Variants in HNRNPA3 observed in about 807,000 individuals in gnomAD.
The protein encoded by HNRNPA3 is epididymis secretory sperm binding protein.
Under a neutral mutation model 45.8 loss-of-function variants are expected in HNRNPA3, and 3 were observed. That is an observed-to-expected ratio of 0.07 (90% confidence interval 0.03 to 0.17). The LOEUF (loss-of-function observed/expected upper bound fraction) is 0.17, where lower values mean the gene tolerates loss of function less well. HNRNPA3 is among the 10% of genes least tolerant of loss of function. HNRNPA3 has a pLI of 1.00. For synonymous variants in HNRNPA3, 170 were observed against 155.6 expected (o/e 1.09, Z -0.69); for missense variants, 183 against 480.3 (o/e 0.38, Z 5.79).
chr2:177,217,663 A>G (rs765197902), intron 7 of HNRNPA3, 42 bp from the exon 8 acceptor site: 138 of 1,610,556 alleles, frequency 8.6e-5, no homozygotes, highest in Middle Eastern at 4.4e-4. Context: ...GTGACTATAC[A>G]CTTAAGTTTT....
intron 4 of HNRNPA3, 61 bp from the exon 5 acceptor site, chr2:177,216,442 T>G: frequency 8.2e-7 from 1 of 1,226,442 alleles, no homozygotes; most frequent in Non-Finnish European, 1.2e-6. Flanking sequence ...GGGTATCTCA[T>G]ATATGTGCTT....
chr2:177,220,356 TA>T (rs1374062478), downstream of HNRNPA3: 1 of 153,600 alleles, frequency 6.5e-6, no homozygotes, highest in East Asian at 1.9e-4. Context: ...AAACCATTCT[TA>T]AAAACTTTTG....
downstream of HNRNPA3, chr2:177,222,712 T>TA (rs2105442325): frequency 1.3e-5 from 2 of 152,536 alleles, no homozygotes; most frequent in East Asian, 3.9e-4. Context: ...GCTGCCTTGA[T>TA]ATCAGGCAGT....
intron 7 of HNRNPA3, 66 bp downstream of exon 7, chr2:177,217,006 T>C: frequency 7.4e-7 from 1 of 1,354,634 alleles, no homozygotes; most frequent in Non-Finnish European, 9.9e-7. Flanking sequence ...AATTATTTAT[T>C]ACACTTTTCT....
intron 1 of HNRNPA3, among the ~76,000 whole-genome samples, chr2:177,213,700 A>G (rs1464627706): frequency 6.6e-6 from 1 of 152,260 alleles, no homozygotes; most frequent in East Asian, 1.9e-4. Flanking sequence ...CCGGCCGCTG[A>G]GGAGGGTGGG....
chr2:177,213,432 T>G (rs1299182023), intron 1 of HNRNPA3, among the ~76,000 whole-genome samples: 3 of 152,240 alleles, frequency 2.0e-5, no homozygotes, highest in Non-Finnish European at 4.4e-5. Context: ...GTGCTTTCGC[T>G]GAAGTTCTGC....
intron 1 of HNRNPA3, among the ~76,000 whole-genome samples, chr2:177,214,003 C>T (rs1376453689): frequency 1.3e-5 from 2 of 152,166 alleles, no homozygotes; most frequent in Non-Finnish European, 1.5e-5. Flanking sequence ...GTGACAATCT[C>T]TTCACATTAA....
chr2:177,217,881 T>C (rs1410559531), intron 8 of HNRNPA3, 36 bp downstream of exon 8: 2 of 1,512,002 alleles, frequency 1.3e-6, no homozygotes, highest in East Asian at 2.3e-5. Flanking sequence ...ATGTTAAATA[T>C]TCAGTGTTGC....
intron 1 of HNRNPA3, among the ~76,000 whole-genome samples, chr2:177,213,878 A>C (rs1041384292): frequency 1.3e-5 from 2 of 152,222 alleles, no homozygotes; most frequent in African/African-American, 4.8e-5. Context: ...TTTAATGTGG[A>C]TCCTAAATAT....
chr2:177,220,948 T>G (rs1689166529), downstream of HNRNPA3: 1 of 152,608 alleles, frequency 6.6e-6, no homozygotes. Context: ...AATTCAAGTC[T>G]TTTGTTTTAA....
chr2:177,217,291 A>C (rs964460266), intron 7 of HNRNPA3, among the ~76,000 whole-genome samples: 1 of 152,186 alleles, frequency 6.6e-6, no homozygotes, highest in African/African-American at 2.4e-5. Flanking sequence ...CTCTATTATT[A>C]TTAGGTATTA....
chr2:177,217,653 G>GTGAC, intron 7 of HNRNPA3, 52 bp from the exon 8 acceptor site: 1 of 1,606,084 alleles, frequency 6.2e-7, no homozygotes, highest in East Asian at 2.2e-5. Flanking sequence ...ATTGAATAAC[G>GTGAC]TGACTATACA....
At chr2:177,217,279 TAC>T (rs1688982169) in intron 7 of HNRNPA3, among the ~76,000 whole-genome samples, 2 of 151,990 alleles carry the variant, frequency 1.3e-5, no homozygotes, top group Non-Finnish European at 1.5e-5. Context: ...AGATACTTGA[TAC>T]TCTATTATTA....
At chr2:177,214,650 C>A (rs1031472220) in intron 1 of HNRNPA3, among the ~76,000 whole-genome samples, 1 of 152,162 alleles carries the variant, frequency 6.6e-6, no homozygotes, top group African/African-American at 2.4e-5. Flanking sequence ...AAAAAGTTAG[C>A]TGGGCGCGGT....
exon 1 of HNRNPA3, chr2:177,212,844 C>T: frequency 3.9e-6 from 6 of 1,544,100 alleles, no homozygotes; most frequent in Non-Finnish European, 5.2e-6. Flanking sequence ...CCGACTCCGG[C>T]CGTCGCCGTC....
chr2:177,214,649 G>C (rs1688849085), intron 1 of HNRNPA3, among the ~76,000 whole-genome samples: 1 of 152,174 alleles, frequency 6.6e-6, no homozygotes, highest in Non-Finnish European at 1.5e-5. Context: ...CAAAAAGTTA[G>C]CTGGGCGCGG....
At chr2:177,218,969 T>C in intron 8 of HNRNPA3, 68 bp from the exon 9 acceptor site, 6 of 1,574,782 alleles carry the variant, frequency 3.8e-6, no homozygotes, top group Non-Finnish European at 5.2e-6. Flanking sequence ...AGATAATAGT[T>C]ACATACGTTA....
chr2:177,213,518 C>G (rs1170194171), intron 1 of HNRNPA3, among the ~76,000 whole-genome samples: 1 of 152,140 alleles, frequency 6.6e-6, no homozygotes, highest in African/African-American at 2.4e-5. Context: ...TTCGCAGCAT[C>G]CTGTTGGAAA....
At chr2:177,222,744 G>T (rs1261690083), downstream of HNRNPA3, 1 of 152,582 alleles carries the variant, frequency 6.6e-6, no homozygotes, top group Non-Finnish European at 1.5e-5. Flanking sequence ...TGAGCTGACT[G>T]CCCCACTGTA....
Sources: gnomAD v4.1 joint callset for allele counts (sites outside exome capture counted in the v4.1 genomes callset) on GRCh38, gnomAD v4.1.1 for gene constraint, MANE v1.5 for transcripts, NCBI Gene and HGNC (gene_info 2026-07-23, HGNC 2026-07-21) for gene names.